The following TMEM165 variants were observed in gnomAD, a reference collection of about 807,000 sequenced individuals.
TMEM165 encodes putative divalent cation/proton antiporter TMEM165.
In TMEM165, 19 loss-of-function variants were observed where a neutral mutation model predicts 30.0. The ratio of observed to expected loss-of-function variants is 0.63; its 90% CI spans 0.44 to 0.93. The LOEUF (loss-of-function observed/expected upper bound fraction) is 0.93, where lower values mean the gene tolerates loss of function less well. Ranked by LOEUF, TMEM165 falls within the 40% of genes least tolerant of loss-of-function variation. The pLI, the probability that TMEM165 is intolerant of heterozygous loss-of-function variation, is 0.00. For missense variants in TMEM165, 340 were observed against 417.0 expected (o/e 0.82, Z 1.61); for synonymous variants, 168 against 162.9 (o/e 1.03, Z -0.24).
chr4:55,411,589 G>GA, intron 1 of TMEM165, 25 bp from the exon 2 acceptor site: 1 of 1,554,840 alleles, frequency 6.4e-7, no homozygotes, highest in Non-Finnish European at 8.8e-7. Flanking sequence ...ATGATTTTAA[G>GA]AAGTAACTGA....
At chr4:55,415,581 G>A (rs1721688693) in intron 2 of TMEM165, 1 of 151,992 alleles carries the variant, frequency 6.6e-6, no homozygotes, top group Admixed American at 6.6e-5. Context: ...TTTTTCAGTG[G>A]ACAGAGCTAG....
chr4:55,451,648 G>C (rs1724466271), intron 3 of TMEM165, among the ~76,000 whole-genome samples: 1 of 152,102 alleles, frequency 6.6e-6, no homozygotes, highest in Non-Finnish European at 1.5e-5. Flanking sequence ...GGATTTACTA[G>C]GATTGAATCT....
intron 4 of TMEM165, among the ~76,000 whole-genome samples, chr4:55,422,068 G>A (rs987037133): frequency 6.6e-6 from 1 of 152,186 alleles, no homozygotes; most frequent in Non-Finnish European, 1.5e-5. Flanking sequence ...GCCTCACCAG[G>A]AATGTTGTTG....
intron 3 of TMEM165, chr4:55,443,544 A>G: frequency 1.4e-6 from 1 of 690,708 alleles, no homozygotes; most frequent in Non-Finnish European, 2.5e-6. Flanking sequence ...AAATATTTTA[A>G]TAATCACTCT....
downstream of TMEM165, chr4:55,427,901 C>CATTG (rs1269516652): frequency 6.6e-6 from 1 of 152,190 alleles, no homozygotes; most frequent in Admixed American, 6.5e-5. Context: ...AGGGAAATGT[C>CATTG]ATTGATAGTG....
intron 4 of TMEM165, among the ~76,000 whole-genome samples, chr4:55,420,207 C>T (rs929791635): frequency 1.4e-5 from 2 of 146,170 alleles, no homozygotes; most frequent in Non-Finnish European, 3.0e-5. Flanking sequence ...CTTTTATTGG[C>T]TCTCAGATTG....
chr4:55,443,573 A>G, intron 3 of TMEM165: 1 of 824,568 alleles, frequency 1.2e-6, no homozygotes, highest in Non-Finnish European at 2.1e-6. Context: ...TACTTTCTAA[A>G]TACTATTAAA....
At chr4:55,408,705 A>G (rs199580514) in intron 1 of TMEM165, among the ~76,000 whole-genome samples, 1 of 152,168 alleles carries the variant, frequency 6.6e-6, no homozygotes, top group African/African-American at 2.4e-5. Flanking sequence ...CATGGCTGGG[A>G]ATTATAAAAC....
intron 4 of TMEM165, chr4:55,424,121 G>C (rs1271668567): frequency 6.4e-6 from 1 of 157,330 alleles, no homozygotes; most frequent in Admixed American, 6.4e-5. Context: ...AGGAAGCAGA[G>C]GCATACTATT....
chr4:55,426,009 T>C lies in TMEM165; in HGVS notation c.*557T>C, dbSNP rs1443488241. 1 of 151,922 alleles carries C rather than the reference T, an allele frequency of 6.6e-6. No individual in the cohort carries two copies. The highest frequency in any genetic ancestry group is 1.5e-5 in the Non-Finnish European group (1 of 67,986). 9.4% of individuals were successfully genotyped at this position (151,922 alleles called of 1,614,324 possible). A position where few individuals can be genotyped will look rare whatever the true frequency, so the allele number is the denominator to read the frequency against. On this transcript the variant is annotated 3_prime_UTR_variant, in exon 6 of 6. Transcript: ENST00000381334. ...GAACTGTCTGCCAGGTCATTCTTCC[T>C]CTTTTTTTTTTAATTGGGTAGGACA...
At position 55,435,012 on chromosome 4, in the gene TMEM165, CCT is replaced by C. The variant is rs1471831246; in HGVS notation, c.408+10370_408+10371del. ...TTCATGGCATCACTGTAAGCAAACC[CCT>C]GACATGGCAGTGGTATGTCCTCTGT... is the stretch of plus-strand genomic sequence containing the variant. On this transcript the variant is annotated intron_variant, in intron 3 of 3. Transcript: ENST00000608091. 1.5e-5 allele frequency: 4 copies of C among 261,462 alleles called. No individual in the cohort carries two copies. In the East Asian group the frequency reaches 3.7e-4, roughly 24 times the overall value. 16.2% of individuals were successfully genotyped at this position (261,462 alleles called of 1,614,324 possible). A position where few individuals can be genotyped will look rare whatever the true frequency, so the allele number is the denominator to read the frequency against.
chr4:55,396,136 C>G lies in TMEM165; in HGVS notation c.-54C>G, dbSNP rs1720709914. 7.6e-7 allele frequency: 1 copy of G among 1,308,782 alleles called. No individual in the cohort carries two copies. The highest frequency in any genetic ancestry group is 9.7e-7 in the Non-Finnish European group (1 of 1,036,094). 81.1% of individuals were successfully genotyped at this position (1,308,782 alleles called of 1,614,324 possible). A position where few individuals can be genotyped will look rare whatever the true frequency, so the allele number is the denominator to read the frequency against. ...GAGGCTGTTCGGGGTCGAGGCTTCC[C>G]GTCGCCGGCACTTCCTCTTGCGGCG... On this transcript the variant is annotated 5_prime_UTR_variant, in exon 1 of 6. Coordinates refer to ENST00000381334, the MANE Select transcript of TMEM165 (RefSeq NM_018475.5).
intron 3 of TMEM165, chr4:55,438,280 A>C: frequency 1.9e-6 from 3 of 1,614,118 alleles, no homozygotes; most frequent in Non-Finnish European, 2.5e-6. Context: ...GGGGAGAATT[A>C]CCTGTAAAAA....
chr4:55,400,281 T>TA (rs1231426418), intron 1 of TMEM165, among the ~76,000 whole-genome samples: 2 of 95,148 alleles, frequency 2.1e-5, no homozygotes, highest in African/African-American at 1.3e-4. Flanking sequence ...TAATATAATA[T>TA]TATATATTAT....
At chr4:55,424,959 C>A (rs1722130099) in intron 5 of TMEM165, 1 of 385,496 alleles carries the variant, frequency 2.6e-6, no homozygotes, top group Non-Finnish European at 4.7e-6. Flanking sequence ...AGACTGGAAT[C>A]ATGTGGAGAC....
chr4:55,445,577 A>C (rs1577686318), intron 3 of TMEM165, among the ~76,000 whole-genome samples: 1 of 72,922 alleles, frequency 1.4e-5, no homozygotes. Flanking sequence ...TGCTATTTCT[A>C]TATTCTTTTT....
rs1278597150 is a variant in TMEM165 at position 55,396,326 on chromosome 4, C to T, written c.137C>T (p.Pro46Leu). 3 of 1,518,562 alleles carry T rather than the reference C, an allele frequency of 2.0e-6. No homozygotes were observed. Among genetic ancestry groups the T allele is most frequent in the Non-Finnish European group, 2.6e-6 (3 of 1,138,136 alleles). The allele number at this position is 1,518,562 out of a possible 1,614,324, so 94.1% of individuals were successfully genotyped here. A position where few individuals can be genotyped will look rare whatever the true frequency, so the allele number is the denominator to read the frequency against. The change falls in exon 1 of 6, where the codon CCG (proline) becomes CTG (leucine). Residue 46 changes from proline (P) to leucine (L), a missense_variant. By Grantham distance (98) the Pro-to-Leu change is moderately conservative. Transcript: ENST00000381334. ...DEDLSHRNKE[P>L]PAPAQQLQPQ... ...GACCTTAGCCACCGGAACAAAGAAC[C>T]GCCGGCGCCGGCCCAGCAGCTGCAG...
intron 1 of TMEM165, among the ~76,000 whole-genome samples, chr4:55,409,680 T>C (rs1192017645): frequency 6.6e-6 from 1 of 152,192 alleles, no homozygotes; most frequent in African/African-American, 2.4e-5. Context: ...AGATGTCCCC[T>C]GGGAGACAAA....
chr4:55,419,710 T>G (rs34822003), intron 4 of TMEM165, among the ~76,000 whole-genome samples: 6,559 of 152,210 alleles, frequency 0.043, 473 homozygotes, highest in African/African-American at 0.15. Context: ...TATCAGATTC[T>G]CTTTTTATAA....
Sources: gnomAD v4.1 joint callset for allele counts (sites outside exome capture counted in the v4.1 genomes callset) on GRCh38, gnomAD v4.1.1 for gene constraint, MANE v1.5 for transcripts, NCBI Gene and HGNC (gene_info 2026-07-23, HGNC 2026-07-21) for gene names.